The following IL2RB variants were observed in gnomAD, a reference collection of about 807,000 sequenced individuals.
IL2RB encodes interleukin 2 receptor subunit beta, also known as interleukin-2 receptor subunit beta.
IL2RB carries 17 observed loss-of-function variants against 44.2 expected under a neutral mutation model. That is an observed-to-expected ratio of 0.38 (90% CI 0.26 to 0.58). The LOEUF (loss-of-function observed/expected upper bound fraction) is 0.58. IL2RB is among the 20% of genes least tolerant of loss of function. IL2RB has a pLI of 0.63. For synonymous variants in IL2RB, 286 were observed against 297.9 expected (o/e 0.96, Z 0.41); for missense variants, 624 against 685.5 (o/e 0.91, Z 1.00).
chr22:37,149,465 T>A (rs3218251), intron 1 of IL2RB, among the ~76,000 whole-genome samples: 40,985 of 152,020 alleles, frequency 0.27, 5,707 homozygotes, highest in African/African-American at 0.33. Context: ...CCACCCCATA[T>A]CCCGTACCCT....
intron 5 of IL2RB, 113 bp from the exon 6 acceptor site, chr22:37,137,848 C>A: frequency 1.1e-6 from 1 of 946,090 alleles, no homozygotes; most frequent in South Asian, 1.6e-5. Context: ...CCCCCCGACC[C>A]AAAGCCCCAG....
intron 8 of IL2RB, among the ~76,000 whole-genome samples, chr22:37,135,113 T>G (rs1464370262): frequency 6.6e-6 from 1 of 151,906 alleles, no homozygotes; most frequent in Non-Finnish European, 1.5e-5. Flanking sequence ...AAAGGCCAGG[T>G]TTTGGACAGG....
At chr22:37,143,157 C>A (rs1003692) in intron 3 of IL2RB, among the ~76,000 whole-genome samples, 1 of 152,012 alleles carries the variant, frequency 6.6e-6, no homozygotes, top group East Asian at 2.0e-4. Flanking sequence ...CGAGCTTATC[C>A]AAAAAGCTTG....
upstream of IL2RB, among the ~76,000 whole-genome samples, chr22:37,154,245 G>C (rs533453591): frequency 6.6e-6 from 1 of 152,320 alleles, no homozygotes; most frequent in Non-Finnish European, 1.5e-5. Flanking sequence ...TTTGTCAAGG[G>C]TCCTAGCCCA....
chr22:37,143,728 G>GC (rs890311953), intron 2 of IL2RB, 93 bp from the exon 3 acceptor site: 1 of 879,092 alleles, frequency 1.1e-6, no homozygotes, highest in African/African-American at 1.6e-5. Context: ...ACCCACACCT[G>GC]CCAGAGGAGG....
At chr22:37,172,215 TA>T (rs63579164) in intron 1 of IL2RB, among the ~76,000 whole-genome samples, 1,173 of 104,472 alleles carry the variant, frequency 0.011, 5 homozygotes, top group Non-Finnish European at 0.017. Context: ...AAAGGTAAAG[TA>T]AAAAAAAAAA....
At chr22:37,143,133 G>GTA (rs1389324487) in intron 3 of IL2RB, among the ~76,000 whole-genome samples, 5 of 152,002 alleles carry the variant, frequency 3.3e-5, no homozygotes, top group African/African-American at 1.2e-4. Context: ...CTGCCTACAG[G>GTA]GTCTCTCAAA....
chr22:37,131,060 G>A (rs1292372102), intron 9 of IL2RB, among the ~76,000 whole-genome samples: 1 of 152,196 alleles, frequency 6.6e-6, no homozygotes, highest in Non-Finnish European at 1.5e-5. Context: ...CCAGCTACTC[G>A]GGAGACTGAG....
chr22:37,142,578 T>C, intron 3 of IL2RB, 66 bp from the exon 4 acceptor site: 13 of 1,486,654 alleles, frequency 8.7e-6, no homozygotes, highest in African/African-American at 1.4e-5. Flanking sequence ...CAAGGGACTC[T>C]TCTCAGATCT....
In IL2RB at chr22:37,128,182, C is replaced by T. The variant is rs769404639; in HGVS notation, c.1570G>A (p.Ala524Thr). 5.2e-6 allele frequency: 8 copies of T among 1,543,464 alleles called. No homozygotes were observed. In the East Asian group the frequency reaches 1.6e-4, roughly 31 times the overall value. ...SRPPGQGEFR[A>T]LNARLPLNTD... is the part of the protein sequence containing the mutation. ...TTCAGGGGCAGGCGAGCATTAAGGG[C>T]CCTGAACTCCCCCTGCCCAGGAGGC... is the stretch of plus-strand genomic sequence containing the variant. Residue 524 changes from alanine to threonine, a missense_variant, in exon 10 of 10, where the codon GCC becomes ACC. Transcript: ENST00000216223. This position sits in a 1 kb window ranked among gnomAD's most constrained non-coding sequence, Gnocchi z 4.5.
rs545569589 is a variant in IL2RB, at chr22:37,168,288, A to T, written c.-34+6670T>A. 9.8e-5 allele frequency among the ~76,000 whole-genome samples: 15 copies of T among 152,372 alleles called. 1 individual carries two copies. In the South Asian group the frequency reaches 2.9e-3, roughly 29 times the overall value. The stretch of plus-strand genomic sequence containing the variant: ...AGTTTTGTCTTTAGAAAATGTGGTC[A>T]TAATGAGTATGAGAGGCATAGAGCG... On this transcript the variant is annotated intron_variant, in intron 1 of 5. Coordinates refer to the IL2RB transcript ENST00000429622.
At chr22:37,173,058 T>C (rs958305719) in intron 1 of IL2RB, among the ~76,000 whole-genome samples, 1 of 152,322 alleles carries the variant, frequency 6.6e-6, no homozygotes, top group South Asian at 2.1e-4. Context: ...CTGCAAAACC[T>C]GGCTCCTTCC....
chr22:37,128,246 G>A lies in IL2RB; in HGVS notation c.1506C>T (p.Asp502=), dbSNP rs200168333. 34 of 1,501,464 alleles carry A rather than the reference G, an allele frequency of 2.3e-5. No homozygotes were observed. Among genetic ancestry groups the A allele is most frequent in the South Asian group, 1.2e-4 (9 of 72,622 alleles). 93.0% of individuals were successfully genotyped at this position (1,501,464 alleles called of 1,614,324 possible). A position where few individuals can be genotyped will look rare whatever the true frequency, so the allele number is the denominator to read the frequency against. ...VLREAGEEVP[D]AGPREGVSFP... is the part of the protein sequence containing the mutation. ...AACTGACTCCCTCCCTGGGGCCAGC[G>A]TCAGGGACCTCCTCCCCAGCCTCTC... Residue 502 remains aspartate, a synonymous_variant, in exon 10 of 10, where the codon GAC becomes GAT. Coordinates refer to ENST00000216223, the MANE Select transcript of IL2RB (RefSeq NM_000878.5). The surrounding 1 kb of genome is among the most constrained non-coding windows in gnomAD (Gnocchi z 4.5).
At chr22:37,144,533 T>G (rs1922134676) in intron 1 of IL2RB, among the ~76,000 whole-genome samples, 1 of 152,072 alleles carries the variant, frequency 6.6e-6, no homozygotes, top group Non-Finnish European at 1.5e-5. Context: ...TCACCTGAGG[T>G]CAAGAGTTTG....
intron 4 of IL2RB, among the ~76,000 whole-genome samples, chr22:37,140,466 C>T (rs1405405244): frequency 1.3e-5 from 2 of 152,110 alleles, no homozygotes; most frequent in Admixed American, 6.5e-5. Flanking sequence ...TCACTATTTC[C>T]ATTCTACAGC....
Position 37,128,860 on chromosome 22 carries a change from A to G in IL2RB, c.904-12T>C, listed in dbSNP as rs1201496969. On this transcript the variant is annotated splice_polypyrimidine_tract_variant and intron_variant, in intron 9 of 9. Coordinates refer to ENST00000216223, the MANE Select transcript of IL2RB (RefSeq NM_000878.5). The surrounding 1 kb of genome is among the most constrained non-coding windows in gnomAD (Gnocchi z 4.5). ...GAAGAGAGCCACTTCTGGTGGGAGA[A>G]AGGCCAGGGGTGGGTGAGTGGGGGC... 5.7e-6 allele frequency: 9 copies of G among 1,588,712 alleles called. No homozygotes were observed. Among genetic ancestry groups the G allele is most frequent in the Non-Finnish European group, 6.9e-6 (8 of 1,163,848 alleles).
intron 1 of IL2RB, among the ~76,000 whole-genome samples, chr22:37,156,644 T>C (rs1922689321): frequency 6.6e-6 from 1 of 152,232 alleles, no homozygotes; most frequent in Admixed American, 6.5e-5. Flanking sequence ...TCCCCAAAGC[T>C]GCCGTAGCCA....
intron 1 of IL2RB, among the ~76,000 whole-genome samples, chr22:37,158,512 TGCGCAACC>T (rs1043905566): frequency 2.0e-5 from 3 of 151,948 alleles, no homozygotes; most frequent in Non-Finnish European, 4.4e-5. Context: ...GAGCCAAGAT[TGCGCAACC>T]GCACTCGAGC....
At chr22:37,154,136 G>A (rs1922589416), upstream of IL2RB, among the ~76,000 whole-genome samples, 1 of 152,220 alleles carries the variant, frequency 6.6e-6, no homozygotes, top group South Asian at 2.1e-4. Context: ...CCTGAGATGT[G>A]CAGCAGCCAG....
Sources: gnomAD v4.1 joint callset for allele counts (sites outside exome capture counted in the v4.1 genomes callset) on GRCh38, gnomAD v4.1.1 for gene constraint, Gnocchi (gnomAD v3.1) non-coding constraint, MANE v1.5 for transcripts, NCBI Gene and HGNC (gene_info 2026-07-23, HGNC 2026-07-21) for gene names.